CCDC40: variants seen among roughly 807,000 people sequenced by gnomAD.
CCDC40 encodes coiled-coil domain 40 molecular ruler complex subunit, also known as coiled-coil domain-containing protein 40.
Under a neutral mutation model 124.5 loss-of-function variants are expected in CCDC40, and 104 were observed. The ratio of observed to expected loss-of-function variants is 0.84; its 90% CI spans 0.71 to 0.98. The LOEUF (loss-of-function observed/expected upper bound fraction) is 0.98. Ranked by LOEUF, CCDC40 falls within the 50% of genes least tolerant of loss-of-function variation. The pLI is 0.00. For synonymous variants in CCDC40, 580 were observed against 602.9 expected (o/e 0.96, Z 0.56); for missense variants, 1,463 against 1,503.9 (o/e 0.97, Z 0.45).
chr17:80,056,729 G>T (rs1312045336), intron 7 of CCDC40, among the ~76,000 whole-genome samples: 1 of 152,096 alleles, frequency 6.6e-6, no homozygotes, highest in East Asian at 1.9e-4. Context: ...GATAATGAAA[G>T]AAATATTTAA....
rs2143605282 is a variant in CCDC40 at position 80,047,325 on chromosome 17, T to C, written c.599T>C (p.Val200Ala). Residue 200 changes from valine to alanine, a missense_variant, in exon 4 of 20, where the codon GTC becomes GCC. Transcript: ENST00000397545. ...CAGGGGCAGGTGCTCCCAATGGGCG[T>C]CCAGCACCGCTTCCGGCTGAGCCAC... ...EPQGQVLPMG[V>A]QHRFRLSHGS... is the part of the protein sequence containing the mutation. The C allele has an allele frequency of 6.2e-7, 1 of 1,613,808 alleles. No homozygotes were observed. Among genetic ancestry groups the C allele is most frequent in the Non-Finnish European group, 8.5e-7 (1 of 1,179,808 alleles).
Position 80,084,737 on chromosome 17 carries a change from A to G in CCDC40, c.1990-6A>G, listed in dbSNP as rs1055042616. 17 of 1,613,788 alleles carry G rather than the reference A, an allele frequency of 1.1e-5. No individual in the cohort carries two copies. The highest frequency in any genetic ancestry group is 1.0e-4 in the Admixed American group (6 of 60,000). ...TATTCACAGGTATTTCTTTTCATCAATTCAGATGACACATCTTTCCAAAAT... is the reference window on the plus strand; with the variant it reads ...TATTCACAGGTATTTCTTTTCATCAGTTCAGATGACACATCTTTCCAAAAT... On this transcript the variant is annotated splice_region_variant and splice_polypyrimidine_tract_variant and intron_variant, in intron 12 of 19. Transcript: ENST00000397545.
chr17:80,067,929 A>G lies in CCDC40; in HGVS notation c.1562+2323A>G, dbSNP rs562156215. ...TGTTGAGTGAATATTTTAGTGGACT[A>G]TGTACACGCACAAACACTTCACAAC... is the stretch of plus-strand genomic sequence containing the variant. On this transcript the variant is annotated intron_variant, in intron 10 of 19. Transcript: ENST00000397545. 2.7e-5 allele frequency: 35 copies of G among 1,279,200 alleles called. No individual in the cohort carries two copies. In the East Asian group the frequency reaches 5.5e-4, roughly 20 times the overall value. 79.2% of individuals were successfully genotyped at this position (1,279,200 alleles called of 1,614,324 possible).
chr17:80,038,138 T>C lies in CCDC40; in HGVS notation c.45T>C (p.Asp15=), dbSNP rs370072666. The change falls in exon 2 of 20, where the codon GAT becomes GAC. Residue 15 remains aspartate (D), a synonymous_variant. Coordinates refer to ENST00000397545, the MANE Select transcript of CCDC40 (RefSeq NM_017950.4). ...CTAAAACCAGGTCCCATCCGGAAGA[T>C]GGATCGGCTTCTGAGGGAGAGAAGG... ...GGAAGRSHPE[D]GSASEGEKEG... is the part of the protein sequence containing the mutation. 6.2e-7 allele frequency: 1 copy of C among 1,610,702 alleles called. No homozygotes were observed. The highest frequency in any genetic ancestry group is 8.5e-7 in the Non-Finnish European group (1 of 1,177,294).
chr17:80,070,460 G>A (rs915645833), intron 10 of CCDC40, among the ~76,000 whole-genome samples: 3 of 152,174 alleles, frequency 2.0e-5, no homozygotes, highest in Non-Finnish European at 4.4e-5. Flanking sequence ...AAATAGCCAG[G>A]TGTGGTGGTG....
rs563535810 is a variant in CCDC40, at chr17:80,066,055, C to A, written c.1562+449C>A. 5.7e-5 allele frequency: 40 copies of A among 701,868 alleles called. No individual in the cohort carries two copies. Among genetic ancestry groups the A allele is most frequent in the Non-Finnish European group, 9.9e-5 (38 of 384,496 alleles). 43.5% of individuals were successfully genotyped at this position (701,868 alleles called of 1,614,324 possible). A position where few individuals can be genotyped will look rare whatever the true frequency, so the allele number is the denominator to read the frequency against. On this transcript the variant is annotated intron_variant, in intron 10 of 19. Transcript: ENST00000397545. This position sits in a 1 kb window ranked among gnomAD's most constrained non-coding sequence, Gnocchi z 4.4. ...GCCTCCTCTGGGCATCCCCTCACTT[C>A]TGGGGATGGATGCGTGGCTCAGGGC...
rs1561811 is a variant in CCDC40, at chr17:80,086,829, T to A, written c.2449+613T>A. The A allele has an allele frequency of 0.37, 58,198 of 159,438 alleles. 12,198 individuals carry two copies. Among genetic ancestry groups the A allele is most frequent in the Middle Eastern group, 0.5 (153 of 306 alleles). 9.9% of individuals were successfully genotyped at this position (159,438 alleles called of 1,614,324 possible). On this transcript the variant is annotated intron_variant, in intron 14 of 19. Coordinates refer to ENST00000397545, the MANE Select transcript of CCDC40 (RefSeq NM_017950.4). This position sits in a 1 kb window ranked among gnomAD's most constrained non-coding sequence, Gnocchi z 5.5. ...TGGGAAATGCTGCCCAGACACATCA[T>A]GTGCCCTTCTCGGAGGTCCTGCTGC... is the stretch of plus-strand genomic sequence containing the variant.
intron 10 of CCDC40, among the ~76,000 whole-genome samples, chr17:80,073,491 G>A (rs1363194054): frequency 6.6e-6 from 1 of 152,106 alleles, no homozygotes; most frequent in Admixed American, 6.6e-5. Context: ...TTGGTTTTTG[G>A]CAAAGCCACG....
At chr17:80,084,571 TC>T (rs1431991497) in intron 12 of CCDC40, among the ~76,000 whole-genome samples, 171 bp from the exon 13 acceptor site, 2 of 152,084 alleles carry the variant, frequency 1.3e-5, no homozygotes, top group Non-Finnish European at 2.9e-5. Flanking sequence ...AACAAGTAGG[TC>T]CCTTGCTGGG....
Position 80,050,156 on chromosome 17 carries a change from G to T in CCDC40, c.1032G>T (p.Leu344=), listed in dbSNP as rs377663823. 4.3e-6 allele frequency: 7 copies of T among 1,613,590 alleles called. No individual in the cohort carries two copies. The highest frequency in any genetic ancestry group is 1.7e-5 in the Admixed American group (1 of 60,004). The change falls in exon 7 of 20, where the codon CTG becomes CTT. Residue 344 remains leucine, a synonymous_variant. Coordinates refer to ENST00000397545, the MANE Select transcript of CCDC40 (RefSeq NM_017950.4). ...AGCACCTGGTACACCTGCAGAAGCT[G>T]CTGGAGAAGAGTCACGACCGCCACG... is the stretch of plus-strand genomic sequence containing the variant. ...VQQHLVHLQK[L]LEKSHDRHAM...
intron 7 of CCDC40, among the ~76,000 whole-genome samples, chr17:80,051,557 A>G (rs2143622338): frequency 7.6e-6 from 1 of 131,866 alleles, no homozygotes; most frequent in East Asian, 2.5e-4. Context: ...TGAACCTGGG[A>G]GTCGGAGCTT....
chr17:80,083,001 G>A (rs550844595), intron 12 of CCDC40, among the ~76,000 whole-genome samples: 1 of 152,298 alleles, frequency 6.6e-6, no homozygotes, highest in South Asian at 2.1e-4. Context: ...TCTGGGAGGA[G>A]GAGCAAAGTG....
At position 80,065,583 on chromosome 17, in the gene CCDC40, C is replaced by G. The variant is rs771165907; in HGVS notation, c.1539C>G (p.His513Gln). The G allele has an allele frequency of 6.2e-7, 1 of 1,612,656 alleles. No homozygotes were observed. Among genetic ancestry groups the G allele is most frequent in the Admixed American group, 1.7e-5 (1 of 59,992 alleles). Residue 513 changes from histidine (H) to glutamine (Q), a missense_variant, in exon 10 of 20, where the codon CAC becomes CAG. Transcript: ENST00000397545. The stretch of plus-strand genomic sequence containing the variant: ...GCATGAAGCACCGCGACGAGGCGCA[C>G]AGGGCGGTGCTGGAGGCGCTCAGGT... ...LVGMKHRDEAHRAVLEALRGC... is the reference protein window; with the variant it reads ...LVGMKHRDEAQRAVLEALRGC...
chr17:80,098,956 AGGT>A (rs1301956549), intron 19 of CCDC40: 1 of 137,446 alleles, frequency 7.3e-6, no homozygotes, highest in Non-Finnish European at 1.5e-5. Flanking sequence ...ACTCCAGCCT[AGGT>A]AACAGAGCGA....
chr17:80,098,619 T>C (rs1163454140), intron 19 of CCDC40, among the ~76,000 whole-genome samples: 1 of 152,168 alleles, frequency 6.6e-6, no homozygotes, highest in Non-Finnish European at 1.5e-5. Context: ...TGCCTGGCAC[T>C]GGGCCTGACA....
chr17:80,096,328 C>T (rs1373975049), intron 18 of CCDC40, among the ~76,000 whole-genome samples: 1 of 152,208 alleles, frequency 6.6e-6, no homozygotes, highest in Non-Finnish European at 1.5e-5. Context: ...CCAGAGGGTT[C>T]CCTGGAGAGT....
At chr17:80,060,851 A>G (rs888238677) in intron 9 of CCDC40, among the ~76,000 whole-genome samples, 1 of 152,242 alleles carries the variant, frequency 6.6e-6, no homozygotes, top group Non-Finnish European at 1.5e-5. Flanking sequence ...TATGCATCCA[A>G]TGATGTCGGG....
chr17:80,087,846 C>T lies in CCDC40; in HGVS notation c.2619+70C>T, dbSNP rs2038620666. 5.6e-6 allele frequency: 8 copies of T among 1,433,828 alleles called. No individual in the cohort carries two copies. The highest frequency in any genetic ancestry group is 7.9e-6 in the Non-Finnish European group (8 of 1,017,028). 88.8% of individuals were successfully genotyped at this position (1,433,828 alleles called of 1,614,324 possible). Reference sequence around the variant, plus strand: ...GCGGGGGTACGGTCCTTGCGGTGGGCGTTCTGCACCAGGATGTAATTTCCA... The same window carrying T: ...GCGGGGGTACGGTCCTTGCGGTGGGTGTTCTGCACCAGGATGTAATTTCCA... On this transcript the variant is annotated intron_variant, in intron 15 of 19. Coordinates refer to ENST00000397545, the MANE Select transcript of CCDC40 (RefSeq NM_017950.4). This position sits in a 1 kb window ranked among gnomAD's most constrained non-coding sequence, Gnocchi z 4.5.
rs531626885 is a variant in CCDC40, at chr17:80,097,157, T to G, written c.3022-88T>G. On this transcript the variant is annotated intron_variant, in intron 18 of 19. Transcript: ENST00000397545. Reference sequence around the variant, plus strand: ...CTCCCTGGATGGAGTGTGTGGAAGGTGCCTGGCAGGTCCTCCCAGCCTGAC... The same window carrying G: ...CTCCCTGGATGGAGTGTGTGGAAGGGGCCTGGCAGGTCCTCCCAGCCTGAC... The G allele has an allele frequency of 4.7e-5, 65 of 1,388,820 alleles. No homozygotes were observed. The African/African-American group carries it at 8.5e-4, about 18-fold the overall frequency. 86.0% of individuals were successfully genotyped at this position (1,388,820 alleles called of 1,614,324 possible).
Sources: gnomAD v4.1 joint callset for allele counts (sites outside exome capture counted in the v4.1 genomes callset) on GRCh38, gnomAD v4.1.1 for gene constraint, Gnocchi (gnomAD v3.1) non-coding constraint, MANE v1.5 for transcripts, NCBI Gene and HGNC (gene_info 2026-07-23, HGNC 2026-07-21) for gene names.